Variants in CTNND2 observed in about 807,000 individuals in gnomAD.
The protein encoded by CTNND2 is catenin delta-2.
Under a neutral mutation model 144.4 loss-of-function variants are expected in CTNND2, and 22 were observed. That is an observed-to-expected ratio of 0.15 (90% CI 0.11 to 0.22). CTNND2 has a LOEUF of 0.22. Ranked by LOEUF, CTNND2 falls within the 10% of genes least tolerant of loss-of-function variation. The pLI, the probability that CTNND2 is intolerant of heterozygous loss-of-function variation, is 1.00. For missense variants in CTNND2, 1,353 were observed against 1,618.8 expected, an observed-to-expected ratio of 0.84 and a Z score of 2.82; for synonymous variants, 751 against 695.6, an observed-to-expected ratio of 1.08 and a Z score of -1.25.
intron 10 of CTNND2, among the ~76,000 whole-genome samples, chr5:11,204,816 T>TA (rs550423069): frequency 1.5e-4 from 22 of 150,040 alleles, no homozygotes; most frequent in South Asian, 4.2e-4. Context: ...TGTCTTTATT[T>TA]AAAAAAAAAA....
At chr5:11,314,684 A>G (rs1054274941) in intron 9 of CTNND2, among the ~76,000 whole-genome samples, 1 of 152,230 alleles carries the variant, frequency 6.6e-6, no homozygotes, top group Admixed American at 6.5e-5. Flanking sequence ...GCTTTTTAAA[A>G]TCAAAGAATC....
chr5:11,210,142 A>G (rs1738478101), intron 10 of CTNND2, among the ~76,000 whole-genome samples: 1 of 152,190 alleles, frequency 6.6e-6, no homozygotes, highest in Admixed American at 6.5e-5. Context: ...GTGGTGGCTC[A>G]CATCAGTACT....
chr5:10,990,791 G>A (rs1230613763), intron 19 of CTNND2, among the ~76,000 whole-genome samples: 1 of 152,108 alleles, frequency 6.6e-6, no homozygotes, highest in African/African-American at 2.4e-5. Flanking sequence ...GATGTGCCTC[G>A]CCTAGGAAGT....
intron 11 of CTNND2, among the ~76,000 whole-genome samples, chr5:11,170,280 T>C (rs984385208): frequency 6.6e-6 from 1 of 152,230 alleles, no homozygotes; most frequent in African/African-American, 2.4e-5. Context: ...AAGAGAATGT[T>C]CTGCTTTTCA....
chr5:11,623,785 C>A (rs1304371192), intron 2 of CTNND2, among the ~76,000 whole-genome samples: 8 of 111,636 alleles, frequency 7.2e-5, no homozygotes, highest in Admixed American at 1.1e-4. Context: ...ACCTAACTAT[C>A]GTAAATATAT....
At chr5:11,818,498 A>G (rs961595030) in intron 1 of CTNND2, among the ~76,000 whole-genome samples, 4 of 151,804 alleles carry the variant, frequency 2.6e-5, no homozygotes, top group Non-Finnish European at 5.9e-5. Context: ...CCTCCCAAGT[A>G]GCTGAAACTA....
At chr5:11,324,327 G>A (rs192746741) in intron 9 of CTNND2, among the ~76,000 whole-genome samples, 125 of 152,284 alleles carry the variant, frequency 8.2e-4, no homozygotes, top group African/African-American at 2.9e-3. Flanking sequence ...GAAGCCTGCT[G>A]AAATGTCCAC....
intron 9 of CTNND2, among the ~76,000 whole-genome samples, chr5:11,290,031 C>T (rs1748157050): frequency 6.6e-6 from 1 of 152,098 alleles, no homozygotes; most frequent in Non-Finnish European, 1.5e-5. Flanking sequence ...CTACAAGGAT[C>T]GAGTATAGAG....
At chr5:11,875,805 A>G (rs11955598) in intron 1 of CTNND2, among the ~76,000 whole-genome samples, 34,098 of 152,162 alleles carry the variant, frequency 0.22, 4,165 homozygotes, top group Non-Finnish European at 0.27. Flanking sequence ...CTAATAAAGT[A>G]ATCTTGAATA....
At chr5:11,071,688 G>T (rs986910594) in intron 16 of CTNND2, among the ~76,000 whole-genome samples, 42 of 152,074 alleles carry the variant, frequency 2.8e-4, no homozygotes, top group African/African-American at 1.0e-3. Flanking sequence ...GATGTGGGAG[G>T]GGGGAGTGCA....
intron 3 of CTNND2, among the ~76,000 whole-genome samples, chr5:11,430,302 G>T (rs1346872754): frequency 1.6e-5 from 2 of 128,166 alleles, no homozygotes; most frequent in East Asian, 2.3e-4. Flanking sequence ...ACCATTAAGA[G>T]TTAGTATAAA....
At chr5:11,886,975 CTT>C (rs36178842) in intron 1 of CTNND2, among the ~76,000 whole-genome samples, 11 of 83,596 alleles carry the variant, frequency 1.3e-4, no homozygotes, top group African/African-American at 3.0e-4. Context: ...TATCCTACTG[CTT>C]TTTTTTTTTT....
intron 14 of CTNND2, among the ~76,000 whole-genome samples, chr5:11,105,060 G>GT (rs1752292471): frequency 6.6e-6 from 1 of 152,220 alleles, no homozygotes; most frequent in Admixed American, 6.5e-5. Context: ...GAAGACAGCT[G>GT]TCAAGGCTGC....
intron 1 of CTNND2, among the ~76,000 whole-genome samples, chr5:11,881,039 G>A (rs1049365387): frequency 1.4e-5 from 2 of 145,340 alleles, no homozygotes; most frequent in East Asian, 2.0e-4. Flanking sequence ...ACTGCTACTA[G>A]TACTACTACT....
intron 1 of CTNND2, among the ~76,000 whole-genome samples, chr5:11,868,248 G>A (rs1034453434): frequency 2.0e-5 from 3 of 152,086 alleles, no homozygotes; most frequent in African/African-American, 7.2e-5. Context: ...CCTCTGCTCT[G>A]TCAGGACAGT....
chr5:11,577,114 CTTA>C (rs1310563269), intron 2 of CTNND2, among the ~76,000 whole-genome samples: 1 of 152,110 alleles, frequency 6.6e-6, no homozygotes, highest in South Asian at 2.1e-4. Context: ...TTATTTTTGA[CTTA>C]TTATTATGTT....
Position 11,384,846 on chromosome 5 carries a change from G to A in CTNND2, c.996C>T (p.Thr332=), listed in dbSNP as rs1250061855. 6.2e-7 allele frequency: 1 copy of A among 1,612,954 alleles called. No homozygotes were observed. Among genetic ancestry groups the A allele is most frequent in the South Asian group, 1.1e-5 (1 of 90,912 alleles). ...TGGTGGACTGCACGGTGGGGGGCGAGGTCACGCGGATCGGGGACAGGCCGG... is the reference window on the plus strand; with the variant it reads ...TGGTGGACTGCACGGTGGGGGGCGAAGTCACGCGGATCGGGGACAGGCCGG... ...SSAGLSPIRV[T]SPPTVQSTIS... The change falls in exon 7 of 22, where the codon ACC becomes ACT. Residue 332 remains threonine, a synonymous_variant. Coordinates refer to ENST00000304623, the MANE Select transcript of CTNND2 (RefSeq NM_001332.4). The surrounding 1 kb of genome is among the most constrained non-coding windows in gnomAD (Gnocchi z 5.2).
intron 3 of CTNND2, among the ~76,000 whole-genome samples, chr5:11,541,517 C>G (rs190173793): frequency 6.6e-6 from 1 of 152,086 alleles, no homozygotes; most frequent in African/African-American, 2.4e-5. Flanking sequence ...CTAAATTAAG[C>G]TGAAACTTAG....
intron 2 of CTNND2, among the ~76,000 whole-genome samples, chr5:11,624,710 A>C (rs1250904447): frequency 6.6e-6 from 1 of 152,088 alleles, no homozygotes; most frequent in Non-Finnish European, 1.5e-5. Context: ...TTAGAAAAAT[A>C]AAACAAAATG....
Sources: allele counts gnomAD v4.1 joint callset (sites outside exome capture counted in the v4.1 genomes callset), GRCh38; gene constraint gnomAD v4.1.1; non-coding constraint Gnocchi (gnomAD v3.1); transcripts MANE v1.5; gene names NCBI Gene and HGNC (gene_info 2026-07-23, HGNC 2026-07-21).